Variants in ZNF584 observed in about 807,000 individuals in gnomAD.
ZNF584 encodes zinc finger protein 584.
Under a neutral mutation model 14.7 loss-of-function variants are expected in ZNF584, and 12 were observed. The observed-to-expected ratio is 0.82, with a 90% confidence interval of 0.52 to 1.32. The LOEUF (loss-of-function observed/expected upper bound fraction) is 1.32. ZNF584 is among the 40% of genes most tolerant of loss of function. ZNF584 has a pLI of 0.00. For missense variants in ZNF584, 478 were observed against 518.8 expected (o/e 0.92, Z 0.76); for synonymous variants, 204 against 190.9 (o/e 1.07, Z -0.57).
At position 58,408,719 on chromosome 19, in the gene ZNF584, C is replaced by G. The variant is rs2052499076; in HGVS notation, c.-429C>G. 1 of 169,176 alleles carries G rather than the reference C, an allele frequency of 5.9e-6. No homozygotes were observed. Among genetic ancestry groups the G allele is most frequent in the South Asian group, 2.0e-4 (1 of 5,042 alleles). 10.5% of individuals were successfully genotyped at this position (169,176 alleles called of 1,614,324 possible). On this transcript the variant is annotated 5_prime_UTR_variant, in exon 1 of 4. Transcript: ENST00000306910. ...AGGTCGTGGCGTGAGGGGCGCCGAG[C>G]GAGGGGAGGCGCGGGCCACGGGAGT...
chr19:58,405,311 A>T (rs1480377438), upstream of ZNF584: 1 of 72,214 alleles, frequency 1.4e-5, no homozygotes, highest in African/African-American at 7.3e-5. Flanking sequence ...CTGGCCGGGC[A>T]GAAGGGCTCC....
intron 2 of ZNF584, among the ~76,000 whole-genome samples, chr19:58,413,624 A>G (rs1479560072): frequency 6.7e-6 from 1 of 149,584 alleles, no homozygotes; most frequent in Non-Finnish European, 1.5e-5. Flanking sequence ...CTCCTGCCTC[A>G]GCCTCCCGAG....
chr19:58,414,348 A>G (rs2052613206), intron 2 of ZNF584, among the ~76,000 whole-genome samples: 1 of 151,108 alleles, frequency 6.6e-6, no homozygotes, highest in Non-Finnish European at 1.5e-5. Flanking sequence ...TTATTTATTT[A>G]TTTATTTTGA....
intron 3 of ZNF584, 146 bp from the exon 4 acceptor site, chr19:58,416,665 G>A: frequency 2.8e-6 from 3 of 1,053,240 alleles, no homozygotes; most frequent in Non-Finnish European, 3.9e-6. Flanking sequence ...GCCTCCCAAA[G>A]CACTGGGATT....
upstream of ZNF584, among the ~76,000 whole-genome samples, chr19:58,407,536 A>T (rs570497730): frequency 6.6e-5 from 10 of 152,286 alleles, 1 homozygote; most frequent in Admixed American, 4.6e-4. Context: ...TTGTTAGAGG[A>T]GGTGGCATGA....
intron 2 of ZNF584, among the ~76,000 whole-genome samples, chr19:58,410,643 ATG>A (rs1339254893): frequency 6.8e-5 from 2 of 29,342 alleles, no homozygotes; most frequent in Admixed American, 3.6e-4. Context: ...GTGTATATAT[ATG>A]TGTATATATG....
intron 2 of ZNF584, 110 bp downstream of exon 2, chr19:58,410,201 C>A (rs2052526557): frequency 2.2e-6 from 3 of 1,378,180 alleles, no homozygotes; most frequent in African/African-American, 3.0e-5. Flanking sequence ...TTCCCAGATT[C>A]CCTGTTGTAG....
chr19:58,409,774 G>A (rs1235844367), intron 1 of ZNF584, among the ~76,000 whole-genome samples, 167 bp from the exon 2 acceptor site: 1 of 152,120 alleles, frequency 6.6e-6, no homozygotes, highest in East Asian at 1.9e-4. Context: ...GGAGAAGGAA[G>A]GTATAAGGGT....
intron 1 of ZNF584, among the ~76,000 whole-genome samples, chr19:58,402,865 T>G (rs1302995700): frequency 7.5e-6 from 1 of 133,402 alleles, no homozygotes; most frequent in Non-Finnish European, 1.6e-5. Flanking sequence ...TAGGTCTGAA[T>G]AGACCCCTCA....
Position 58,410,697 on chromosome 19 carries a change from ATATATATG to A in ZNF584, c.169+616_169+623del, listed in dbSNP as rs2052554030. On this transcript the variant is annotated intron_variant, in intron 2 of 3. Transcript: ENST00000306910. ...TGTGTATATATATGTATATATGTATATATATATGTATATATGTGTATATATATATGTAT... is the reference window on the plus strand; with the variant it reads ...TGTGTATATATATGTATATATGTATATATATATGTGTATATATATATGTAT... Among the ~76,000 whole-genome samples the A allele has an allele frequency of 3.5e-5, 2 of 56,488 alleles. 1 individual carries two copies. Among genetic ancestry groups the A allele is most frequent in the African/African-American group, 2.9e-4 (2 of 6,898 alleles). The allele number at this position is 56,488 out of a possible 152,430, so 37.1% of individuals were successfully genotyped here.
In ZNF584 at chr19:58,410,552, T is replaced by C. The variant is rs1448505869; in HGVS notation, c.169+461T>C. Among the ~76,000 whole-genome samples, 2 of 49,154 alleles carry C rather than the reference T, an allele frequency of 4.1e-5. 1 individual carries two copies. Among genetic ancestry groups the C allele is most frequent in the Non-Finnish European group, 6.7e-5 (2 of 29,744 alleles). 32.2% of individuals were successfully genotyped at this position (49,154 alleles called of 152,430 possible). On this transcript the variant is annotated intron_variant, in intron 2 of 3. Transcript: ENST00000306910. ...ATATATATATATATATATATATATA[T>C]ATATATGTGTATATATATATGTATA...
chr19:58,417,491 C>T lies in ZNF584; in HGVS notation c.973C>T (p.Pro325Ser), dbSNP rs2052660191. 2.5e-6 allele frequency: 4 copies of T among 1,614,164 alleles called. No homozygotes were observed. The Admixed American group carries it at 6.7e-5, about 27-fold the overall frequency. The change falls in exon 4 of 4, where the codon CCT becomes TCT. Residue 325 changes from proline to serine, a missense_variant. By Grantham distance (74) the Pro-to-Ser change is moderately conservative. This residue lies in a region of ZNF584 where 283 missense variants were observed against 317.3 expected (regional missense o/e 0.89). Transcript: ENST00000306910. ...LHQRVHTGERPFECKQCGKGY... is the reference protein window; with the variant it reads ...LHQRVHTGERSFECKQCGKGY... ...CCAGAGAGTTCACACTGGAGAAAGG[C>T]CTTTTGAATGCAAGCAATGTGGGAA...
At chr19:58,405,277 C>G (rs1240664146), upstream of ZNF584, 3 of 112,994 alleles carry the variant, frequency 2.7e-5, no homozygotes, top group African/African-American at 3.9e-5. Context: ...GCTGACCCCC[C>G]CACCTCCCTC....
upstream of ZNF584, chr19:58,405,838 C>A (rs1178160140): frequency 1.2e-5 from 2 of 162,980 alleles, no homozygotes; most frequent in Non-Finnish European, 2.7e-5. Flanking sequence ...GGCGGCCGGG[C>A]AGAGACGCTC....
At chr19:58,414,037 G>A (rs1204440983) in intron 2 of ZNF584, among the ~76,000 whole-genome samples, 1 of 151,186 alleles carries the variant, frequency 6.6e-6, no homozygotes, top group African/African-American at 2.4e-5. Context: ...TCGGCAGGAT[G>A]GTCTCAAACT....
At chr19:58,415,469 T>G in intron 2 of ZNF584, 55 bp from the exon 3 acceptor site, 2 of 1,576,980 alleles carry the variant, frequency 1.3e-6, no homozygotes, top group South Asian at 2.3e-5. Flanking sequence ...GTGCTGGGAT[T>G]ACAGGCATCA....
At chr19:58,410,479 C>T (rs957542999) in intron 2 of ZNF584, among the ~76,000 whole-genome samples, 2 of 142,812 alleles carry the variant, frequency 1.4e-5, no homozygotes, top group African/African-American at 5.2e-5. Flanking sequence ...CTCCCTGGGC[C>T]AGGCTTGAGC....
rs372838741 is a variant in ZNF584 at position 58,415,115 on chromosome 19, G to A, written c.170-409G>A. 1.1e-3 allele frequency among the ~76,000 whole-genome samples: 171 copies of A among 152,010 alleles called. 5 individuals carry two copies. The South Asian group carries it at 0.035, about 31-fold the overall frequency. ...TCACCGTGTTAGCCAGGATAGTCTT[G>A]ATCTCCTGACCTCGTGATCCGCCCA... On this transcript the variant is annotated intron_variant, in intron 2 of 3. Transcript: ENST00000306910.
chr19:58,404,064 G>C (rs2052447741), upstream of ZNF584, among the ~76,000 whole-genome samples: 1 of 151,892 alleles, frequency 6.6e-6, no homozygotes, highest in African/African-American at 2.4e-5. Flanking sequence ...AAGTGGTTAA[G>C]AGAGAACTTT....
Sources: gnomAD v4.1 joint callset for allele counts (sites outside exome capture counted in the v4.1 genomes callset) on GRCh38, gnomAD v4.1.1 for gene constraint, gnomAD v4.1.1 regional missense constraint, MANE v1.5 for transcripts, NCBI Gene and HGNC (gene_info 2026-07-23, HGNC 2026-07-21) for gene names.